TARS3: variants seen among roughly 807,000 people sequenced by gnomAD.
TARS3 encodes threonine--tRNA ligase 2, cytoplasmic.
A neutral mutation model predicts 103.5 loss-of-function variants in TARS3; 94 were observed. That is an observed-to-expected ratio of 0.91 (90% confidence interval 0.77 to 1.08). The LOEUF (loss-of-function observed/expected upper bound fraction) is 1.08. TARS3 is among the 50% of genes least tolerant of loss of function. The pLI, the probability that TARS3 is intolerant of heterozygous loss-of-function variation, is 0.00. For missense variants in TARS3, 952 were observed against 995.2 expected (o/e 0.96, Z 0.58); for synonymous variants, 416 against 355.4 (o/e 1.17, Z -1.92).
At position 101,680,904 on chromosome 15, in the gene TARS3, A is replaced by G. The variant is rs144317927; in HGVS notation, c.1650+3171T>C. 8.6e-4 allele frequency among the ~76,000 whole-genome samples: 131 copies of G among 152,096 alleles called. 1 individual carries two copies. The Middle Eastern group carries it at 0.01, about 12-fold the overall frequency. ...CACCTAATTACAAAGATTTTCCCCA[A>G]TTTTTATTCTAGAAGTTTTGTATTT... is the stretch of plus-strand genomic sequence containing the variant. On this transcript the variant is annotated intron_variant, in intron 12 of 18. Transcript: ENST00000335968.
rs58506892 is a variant in TARS3 at position 101,706,494 on chromosome 15, AT to A, written c.931-748del. ...ACTTTTAAAATGTAGCTGCCATAAAATTATAGGTTACACATGTAGCTCAGAC... is the reference window on the plus strand; with the variant it reads ...ACTTTTAAAATGTAGCTGCCATAAAATATAGGTTACACATGTAGCTCAGAC... On this transcript the variant is annotated intron_variant, in intron 6 of 18. Transcript: ENST00000335968. 4.9e-3 allele frequency among the ~76,000 whole-genome samples: 747 copies of A among 152,346 alleles called. 34 individuals are homozygous for A. In the East Asian group the frequency reaches 0.12, roughly 25 times the overall value.
intron 12 of TARS3, among the ~76,000 whole-genome samples, chr15:101,680,997 T>A (rs1245850958): frequency 6.6e-6 from 1 of 152,200 alleles, no homozygotes; most frequent in Non-Finnish European, 1.5e-5. Context: ...TGAATCCTCA[T>A]ACCTCATGTT....
At chr15:101,695,269 C>T (rs1898914215) in intron 10 of TARS3, among the ~76,000 whole-genome samples, 3 of 152,180 alleles carry the variant, frequency 2.0e-5, no homozygotes, top group South Asian at 4.1e-4. Context: ...TGGAGTCAAT[C>T]CCCTCTCCCC....
chr15:101,680,353 A>G (rs1001035913), intron 12 of TARS3, among the ~76,000 whole-genome samples: 44 of 152,238 alleles, frequency 2.9e-4, no homozygotes, highest in African/African-American at 1.0e-3. Flanking sequence ...GGCTACAGCA[A>G]GCAGACTTCT....
intron 6 of TARS3, 38 bp downstream of exon 6, chr15:101,708,755 T>C (rs1346857589): frequency 7.5e-7 from 1 of 1,330,970 alleles, no homozygotes; most frequent in Admixed American, 1.7e-5. Context: ...TGATTTTTAA[T>C]ATTCCTAGTA....
chr15:101,700,447 T>C (rs1899206183), intron 10 of TARS3, among the ~76,000 whole-genome samples: 1 of 152,346 alleles, frequency 6.6e-6, no homozygotes, highest in East Asian at 1.9e-4. Context: ...CTTAACACTC[T>C]GTACCAGAGA....
chr15:101,708,411 T>C (rs746960354), intron 6 of TARS3, among the ~76,000 whole-genome samples: 18 of 152,120 alleles, frequency 1.2e-4, no homozygotes, highest in Non-Finnish European at 1.9e-4. Context: ...TTACACAGGT[T>C]ACTCTAGGTT....
At chr15:101,698,738 A>T (rs928916495) in intron 10 of TARS3, among the ~76,000 whole-genome samples, 1 of 152,214 alleles carries the variant, frequency 6.6e-6, no homozygotes, top group Non-Finnish European at 1.5e-5. Flanking sequence ...TTCCCAACAA[A>T]CTGCACCCGA....
At chr15:101,706,366 G>A (rs949186442) in intron 6 of TARS3, among the ~76,000 whole-genome samples, 1 of 152,136 alleles carries the variant, frequency 6.6e-6, no homozygotes, top group Non-Finnish European at 1.5e-5. Flanking sequence ...GTTGCAAAAA[G>A]AAGAAGAAAA....
intron 10 of TARS3, among the ~76,000 whole-genome samples, chr15:101,691,932 T>C (rs1898744202): frequency 6.6e-6 from 1 of 152,092 alleles, no homozygotes; most frequent in Admixed American, 6.5e-5. Flanking sequence ...TTCTCAGGCC[T>C]CTGCACTCAG....
intron 12 of TARS3, among the ~76,000 whole-genome samples, chr15:101,682,876 C>G (rs1262887850): frequency 6.6e-6 from 1 of 152,112 alleles, no homozygotes; most frequent in East Asian, 1.9e-4. Flanking sequence ...TTTTGTCTTT[C>G]AAAGATTTAT....
At chr15:101,710,449 C>G (rs1899804311) in intron 5 of TARS3, among the ~76,000 whole-genome samples, 1 of 152,334 alleles carries the variant, frequency 6.6e-6, no homozygotes, top group Non-Finnish European at 1.5e-5. Context: ...CAGCTGGCAT[C>G]TGAATTGGGG....
Position 101,696,872 on chromosome 15 carries a change from C to A in TARS3, c.1320+4214G>T, listed in dbSNP as rs140312865. On this transcript the variant is annotated intron_variant, in intron 10 of 18. Coordinates refer to ENST00000335968, the MANE Select transcript of TARS3 (RefSeq NM_152334.3). ...TCCTGTTAAAAGACCACTCACCATG[C>A]ACTGGTTCTGGTTGGTTTATAAAGG... 8.0e-4 allele frequency among the ~76,000 whole-genome samples: 122 copies of A among 152,294 alleles called. 1 individual carries two copies. Among genetic ancestry groups the A allele is most frequent in the African/African-American group, 2.7e-3 (111 of 41,556 alleles).
At chr15:101,657,116 T>A in intron 17 of TARS3, 80 bp from the exon 18 acceptor site, 1 of 879,806 alleles carries the variant, frequency 1.1e-6, no homozygotes, top group South Asian at 1.4e-5. Context: ...CCACTCTTGG[T>A]ATTCACACCT....
At chr15:101,712,941 T>A (rs556579515) in intron 4 of TARS3, among the ~76,000 whole-genome samples, 49 of 152,354 alleles carry the variant, frequency 3.2e-4, no homozygotes, top group Middle Eastern at 6.8e-3. Context: ...GGGTCAGTCC[T>A]TAGGGCACAG....
At chr15:101,722,266 A>C in intron 2 of TARS3, among the ~76,000 whole-genome samples, 1 of 144,840 alleles carries the variant, frequency 6.9e-6, no homozygotes, top group South Asian at 2.2e-4. Flanking sequence ...AGCCCCCATG[A>C]CACCTCCCTT....
At chr15:101,711,729 G>C (rs2141445663) in intron 5 of TARS3, 151 bp downstream of exon 5, 2 of 821,892 alleles carry the variant, frequency 2.4e-6, no homozygotes, top group Middle Eastern at 3.3e-4. Flanking sequence ...ATCACAAGTT[G>C]AACTCGGATT....
Position 101,711,863 on chromosome 15 carries a change from A to G in TARS3, c.812+17T>C. On this transcript the variant is annotated intron_variant, in intron 5 of 18. Coordinates refer to ENST00000335968, the MANE Select transcript of TARS3 (RefSeq NM_152334.3). The stretch of plus-strand genomic sequence containing the variant: ...ATTGAAACACATGCATTCACAAGCC[A>G]GTATTCAGTGTGTTACCTGTCTTCA... 6.2e-7 allele frequency: 1 copy of G among 1,612,792 alleles called. No homozygotes were observed. Among genetic ancestry groups the G allele is most frequent in the Non-Finnish European group, 8.5e-7 (1 of 1,179,164 alleles).
chr15:101,716,836 G>C (rs1596329881), intron 3 of TARS3, among the ~76,000 whole-genome samples: 1 of 148,446 alleles, frequency 6.7e-6, no homozygotes, highest in Non-Finnish European at 1.5e-5. Context: ...CTATTAAATT[G>C]TATCAACTCT....
Sources: gnomAD v4.1 joint callset for allele counts (sites outside exome capture counted in the v4.1 genomes callset) on GRCh38, gnomAD v4.1.1 for gene constraint, MANE v1.5 for transcripts, NCBI Gene and HGNC (gene_info 2026-07-23, HGNC 2026-07-21) for gene names.